Variants in NYAP2 observed in about 807,000 individuals in gnomAD.
NYAP2 encodes neuronal tyrosine-phosphorylated phosphoinositide-3-kinase adapter 2.
Under a neutral mutation model 50.4 loss-of-function variants are expected in NYAP2, and 23 were observed. The observed-to-expected ratio is 0.46, with a 90% CI of 0.33 to 0.65. The LOEUF is 0.65. Among genes scored for constraint, NYAP2 ranks in the 30% least tolerant of loss-of-function variants. The pLI, the probability that NYAP2 is intolerant of heterozygous loss-of-function variation, is 0.02. For synonymous variants in NYAP2, 394 were observed against 365.2 expected (o/e 1.08, Z -0.90); for missense variants, 885 against 861.0 (o/e 1.03, Z -0.35).
chr2:225,507,554 T>C (rs1690729739), intron 3 of NYAP2, among the ~76,000 whole-genome samples: 1 of 152,192 alleles, frequency 6.6e-6, no homozygotes, highest in Non-Finnish European at 1.5e-5. Context: ...GTTAACAACA[T>C]GAGGGCTACA....
At chr2:225,398,740 A>C (rs1694810708), upstream of NYAP2, among the ~76,000 whole-genome samples, 1 of 151,988 alleles carries the variant, frequency 6.6e-6, no homozygotes, top group African/African-American at 2.4e-5. Flanking sequence ...TCATCTATCT[A>C]ATCTTGCAGA....
At chr2:225,547,713 A>G (rs1051022597) in intron 4 of NYAP2, among the ~76,000 whole-genome samples, 20 of 152,314 alleles carry the variant, frequency 1.3e-4, no homozygotes, top group African/African-American at 4.3e-4. Flanking sequence ...CAGCAATTCA[A>G]CACTGTCTTT....
At chr2:225,556,986 A>G (rs909157867) in intron 4 of NYAP2, among the ~76,000 whole-genome samples, 1 of 152,192 alleles carries the variant, frequency 6.6e-6, no homozygotes, top group African/African-American at 2.4e-5. Context: ...TGAGGCCTAG[A>G]CTAAGTAGCA....
At chr2:225,500,736 T>G (rs1269127003) in intron 3 of NYAP2, among the ~76,000 whole-genome samples, 1 of 152,174 alleles carries the variant, frequency 6.6e-6, no homozygotes, top group African/African-American at 2.4e-5. Context: ...GTCTTCTGAT[T>G]TTGTTTGACA....
At chr2:225,421,271 T>G (rs1695210474) in intron 3 of NYAP2, among the ~76,000 whole-genome samples, 1 of 152,212 alleles carries the variant, frequency 6.6e-6, no homozygotes, top group Non-Finnish European at 1.5e-5. Flanking sequence ...TTTTAAAAAT[T>G]ATTTAGAAGC....
intron 5 of NYAP2, among the ~76,000 whole-genome samples, chr2:225,613,957 T>A (rs79311922): frequency 6.6e-6 from 1 of 152,174 alleles, no homozygotes; most frequent in Admixed American, 6.5e-5. Context: ...GAACTAATAT[T>A]GTTGAAGCCT....
intron 4 of NYAP2, among the ~76,000 whole-genome samples, chr2:225,518,563 T>TAA (rs1690981928): frequency 6.9e-5 from 2 of 28,888 alleles, no homozygotes; most frequent in Non-Finnish European, 5.7e-5. Flanking sequence ...TATATATATA[T>TAA]ATATATTAGC....
At chr2:225,645,900 A>AG (rs1693628833) in intron 6 of NYAP2, among the ~76,000 whole-genome samples, 2 of 28,324 alleles carry the variant, frequency 7.1e-5, no homozygotes, top group African/African-American at 2.7e-4. Context: ...AGATGCACAG[A>AG]TCCTAAAGGA....
At chr2:225,448,845 A>C (rs1689603303) in intron 3 of NYAP2, among the ~76,000 whole-genome samples, 1 of 152,188 alleles carries the variant, frequency 6.6e-6, no homozygotes, top group South Asian at 2.1e-4. Flanking sequence ...CAGTTTGCAA[A>C]GGGTGATCTT....
At chr2:225,415,804 G>A (rs1012866537) in intron 3 of NYAP2, among the ~76,000 whole-genome samples, 2 of 152,010 alleles carry the variant, frequency 1.3e-5, no homozygotes, top group Non-Finnish European at 2.9e-5. Flanking sequence ...TACTCTACCA[G>A]CTTGCCTAAG....
intron 3 of NYAP2, among the ~76,000 whole-genome samples, chr2:225,471,045 T>A (rs1266261716): frequency 6.6e-6 from 1 of 152,200 alleles, no homozygotes; most frequent in Non-Finnish European, 1.5e-5. Flanking sequence ...ACAAAATATG[T>A]TAAAGTAAAA....
chr2:225,624,802 G>A (rs934447833), intron 5 of NYAP2, among the ~76,000 whole-genome samples: 57 of 152,016 alleles, frequency 3.7e-4, no homozygotes, highest in Middle Eastern at 3.4e-3. Flanking sequence ...ATAAAATCAA[G>A]GAAGTTAGGT....
chr2:225,487,313 C>A (rs1690318560), intron 3 of NYAP2, among the ~76,000 whole-genome samples: 1 of 152,184 alleles, frequency 6.6e-6, no homozygotes, highest in Non-Finnish European at 1.5e-5. Flanking sequence ...TGGACCTCTG[C>A]CGTAGCCTCG....
chr2:225,474,540 G>T (rs996653105), intron 3 of NYAP2, among the ~76,000 whole-genome samples: 2 of 152,076 alleles, frequency 1.3e-5, no homozygotes, highest in African/African-American at 2.4e-5. Context: ...CTTGTAAGTT[G>T]GATTCCTAGG....
intron 4 of NYAP2, among the ~76,000 whole-genome samples, chr2:225,523,306 C>T (rs1039099902): frequency 6.0e-5 from 9 of 150,066 alleles, no homozygotes; most frequent in South Asian, 2.1e-4. Context: ...GATTTGATCT[C>T]GTATCTAGAA....
At chr2:225,639,373 A>C (rs997915790) in intron 6 of NYAP2, among the ~76,000 whole-genome samples, 4 of 152,170 alleles carry the variant, frequency 2.6e-5, no homozygotes, top group Non-Finnish European at 5.9e-5. Context: ...TCTTATTTTT[A>C]TTATACCAGA....
intron 4 of NYAP2, among the ~76,000 whole-genome samples, chr2:225,547,550 A>C (rs1361799002): frequency 6.6e-6 from 1 of 152,224 alleles, no homozygotes; most frequent in Non-Finnish European, 1.5e-5. Flanking sequence ...CCCTCTGGGC[A>C]TCAGCCGAGT....
At chr2:225,483,854 C>G (rs909212087) in intron 3 of NYAP2, among the ~76,000 whole-genome samples, 1 of 152,122 alleles carries the variant, frequency 6.6e-6, no homozygotes, top group Non-Finnish European at 1.5e-5. Context: ...TAAATTATTT[C>G]AAATACTATC....
At chr2:225,402,568 T>C (rs1034423431) in intron 2 of NYAP2, among the ~76,000 whole-genome samples, 25 of 152,030 alleles carry the variant, frequency 1.6e-4, no homozygotes, top group African/African-American at 6.0e-4. Context: ...TACCAATTCA[T>C]GATGCTACTG....
Sources: allele counts gnomAD v4.1 joint callset (sites outside exome capture counted in the v4.1 genomes callset), GRCh38; gene constraint gnomAD v4.1.1; transcripts MANE v1.5; gene names NCBI Gene and HGNC (gene_info 2026-07-23, HGNC 2026-07-21).